The following MYO10 variants were observed in gnomAD, a reference collection of about 807,000 sequenced individuals.
MYO10 encodes myosin X.
A neutral mutation model predicts 257.3 loss-of-function variants in MYO10; 133 were observed. That is an observed-to-expected ratio of 0.52 (90% CI 0.45 to 0.60). MYO10 has a LOEUF of 0.60. MYO10 is among the 20% of genes least tolerant of loss of function. The probability of loss-of-function intolerance (pLI) is 0.00; values close to 1 mark genes in which losing one functional copy is unlikely to be tolerated. For synonymous variants in MYO10, 1,104 were observed against 1,028.6 expected (o/e 1.07, Z -1.40); for missense variants, 2,399 against 2,635.7 (o/e 0.91, Z 1.97).
rs253331 is a variant in MYO10 at position 16,837,320 on chromosome 5, A to G, written c.121-19153T>C. On this transcript the variant is annotated intron_variant, in intron 2 of 40. Coordinates refer to ENST00000513610, the MANE Select transcript of MYO10 (RefSeq NM_012334.3). The stretch of plus-strand genomic sequence containing the variant: ...AGCAAAATTCCGTCTCAAAAGAAAA[A>G]AAAACATACTGACGAACCTTGTAAA... Among the ~76,000 whole-genome samples, 232 of 152,274 alleles carry G rather than the reference A, an allele frequency of 1.5e-3. 2 individuals are homozygous for G. The highest frequency in any genetic ancestry group is 6.8e-3 in the South Asian group (33 of 4,826).
rs1553996647 is a variant in MYO10 at position 16,792,132 on chromosome 5, CAGAG to C, written c.467+2510_467+2513del. On this transcript the variant is annotated intron_variant, in intron 4 of 40. Transcript: ENST00000513610. ...ACATACACACACACACACACACACA[CAGAG>C]AGAGAGAGAGAGAGAGAGAGAGAGA... 1.8e-3 allele frequency among the ~76,000 whole-genome samples: 137 copies of C among 75,344 alleles called. 1 individual carries two copies. Among genetic ancestry groups the C allele is most frequent in the South Asian group, 4.1e-3 (10 of 2,454 alleles). The allele number at this position is 75,344 out of a possible 152,430, so 49.4% of individuals were successfully genotyped here.
intron 3 of MYO10, among the ~76,000 whole-genome samples, chr5:16,796,396 CAAAAG>C (rs1741958090): frequency 9.3e-6 from 1 of 107,156 alleles, no homozygotes; most frequent in Non-Finnish European, 2.0e-5. Context: ...GAACACAACA[CAAAAG>C]AAAAAGAAAG....
intron 2 of MYO10, among the ~76,000 whole-genome samples, chr5:16,859,283 A>T (rs1438616416): frequency 6.6e-6 from 1 of 152,180 alleles, no homozygotes; most frequent in Admixed American, 6.5e-5. Flanking sequence ...TTTCTGGTTC[A>T]TAGATGGGAC....
chr5:16,744,490 G>A (rs1740123525), intron 19 of MYO10, among the ~76,000 whole-genome samples: 1 of 152,146 alleles, frequency 6.6e-6, no homozygotes, highest in Admixed American at 6.6e-5. Context: ...CCCTTCCCAT[G>A]CCAACGGGAT....
At chr5:16,744,224 T>G (rs1740107055) in intron 19 of MYO10, among the ~76,000 whole-genome samples, 2 of 152,212 alleles carry the variant, frequency 1.3e-5, no homozygotes, top group South Asian at 4.1e-4. Context: ...GGTAAAAATA[T>G]AAACATATAA....
intron 1 of MYO10, among the ~76,000 whole-genome samples, chr5:16,893,712 T>C (rs1341978939): frequency 1.3e-5 from 2 of 151,694 alleles, no homozygotes; most frequent in Non-Finnish European, 2.9e-5. Flanking sequence ...TTACACCTCC[T>C]GTTGGGTTCA....
intron 2 of MYO10, among the ~76,000 whole-genome samples, chr5:16,824,005 G>A (rs549682436): frequency 6.6e-6 from 1 of 152,272 alleles, no homozygotes; most frequent in Admixed American, 6.5e-5. Flanking sequence ...TTCTGTTCTA[G>A]AAGTACAAAC....
chr5:16,724,656 G>C (rs988162260), intron 19 of MYO10, among the ~76,000 whole-genome samples: 1 of 152,094 alleles, frequency 6.6e-6, no homozygotes, highest in African/African-American at 2.4e-5. Flanking sequence ...CTTCAGTATA[G>C]TGTTTAATGA....
intron 2 of MYO10, among the ~76,000 whole-genome samples, chr5:16,854,880 A>G (rs961734335): frequency 1.3e-5 from 2 of 151,926 alleles, no homozygotes; most frequent in Non-Finnish European, 2.9e-5. Flanking sequence ...AAAAATACAA[A>G]AATTAGCCGG....
chr5:16,706,777 T>C (rs1439856154), intron 21 of MYO10, among the ~76,000 whole-genome samples: 1 of 152,150 alleles, frequency 6.6e-6, no homozygotes, highest in Admixed American at 6.5e-5. Context: ...AATAAATAAA[T>C]ATGTTTTTAA....
intron 3 of MYO10, among the ~76,000 whole-genome samples, chr5:16,803,076 GC>G (rs1254739326): frequency 5.2e-4 from 79 of 152,090 alleles, no homozygotes; most frequent in African/African-American, 1.9e-3. Flanking sequence ...CTGCACTCCA[GC>G]CTTGGTAACA....
At chr5:16,766,567 C>T (rs1740874929) in intron 10 of MYO10, among the ~76,000 whole-genome samples, 1 of 151,606 alleles carries the variant, frequency 6.6e-6, no homozygotes, top group Non-Finnish European at 1.5e-5. Flanking sequence ...GCAGCTGGGA[C>T]TATAGGCACC....
At chr5:16,672,865 C>CG in intron 36 of MYO10, 40 bp from the exon 37 acceptor site, 1 of 1,598,472 alleles carries the variant, frequency 6.3e-7, no homozygotes, top group Non-Finnish European at 8.5e-7. Flanking sequence ...CCACAGGCTG[C>CG]GGCCCCAACA....
At chr5:16,885,596 C>T (rs1035124657) in intron 1 of MYO10, among the ~76,000 whole-genome samples, 2 of 149,544 alleles carry the variant, frequency 1.3e-5, no homozygotes, top group South Asian at 2.2e-4. Context: ...CACTTGAACC[C>T]GGAGGACAGA....
At chr5:16,688,558 T>C (rs1351397533) in intron 28 of MYO10, among the ~76,000 whole-genome samples, 4 of 152,002 alleles carry the variant, frequency 2.6e-5, no homozygotes, top group Non-Finnish European at 4.4e-5. Context: ...CTGACCAACA[T>C]GGAGAAACCC....
intron 1 of MYO10, among the ~76,000 whole-genome samples, chr5:16,907,147 T>G (rs915109775): frequency 6.6e-6 from 1 of 151,932 alleles, no homozygotes; most frequent in African/African-American, 2.4e-5. Context: ...AAGAAAAGCA[T>G]CTATATTCAG....
At chr5:16,792,417 C>T (rs1167553270) in intron 4 of MYO10, among the ~76,000 whole-genome samples, 1 of 152,108 alleles carries the variant, frequency 6.6e-6, no homozygotes, top group African/African-American at 2.4e-5. Flanking sequence ...GAGTCCAACA[C>T]GCAGAATCCT....
At chr5:16,852,651 T>C (rs1220075331) in intron 2 of MYO10, among the ~76,000 whole-genome samples, 1 of 151,566 alleles carries the variant, frequency 6.6e-6, no homozygotes, top group African/African-American at 2.4e-5. Context: ...CCCGCAAAAA[T>C]TGAATGAGGC....
At chr5:16,668,218 CCT>C (rs1287985602) in intron 40 of MYO10, 57 bp downstream of exon 40, 18 of 1,500,646 alleles carry the variant, frequency 1.2e-5, no homozygotes, top group African/African-American at 1.4e-5. Flanking sequence ...GAAATGGGGT[CCT>C]GTTTTTCTGT....
Sources: allele counts gnomAD v4.1 joint callset (sites outside exome capture counted in the v4.1 genomes callset), GRCh38; gene constraint gnomAD v4.1.1; transcripts MANE v1.5; gene names NCBI Gene and HGNC (gene_info 2026-07-23, HGNC 2026-07-21).